Variants in CDK14 observed in about 807,000 individuals in gnomAD.
The protein encoded by CDK14 is cyclin-dependent kinase 14.
Under a neutral mutation model 60.7 loss-of-function variants are expected in CDK14, and 34 were observed. The ratio of observed to expected loss-of-function variants is 0.56; its 90% CI spans 0.43 to 0.75. The LOEUF is 0.75. CDK14 is among the 30% of genes least tolerant of loss of function. CDK14 has a pLI of 0.00. For missense variants in CDK14, 482 were observed against 564.1 expected (o/e 0.85, Z 1.47); for synonymous variants, 197 against 203.7 (o/e 0.97, Z 0.28).
chr7:90,866,273 CAG>C (rs1554358740), intron 6 of CDK14, among the ~76,000 whole-genome samples: 3 of 148,346 alleles, frequency 2.0e-5, no homozygotes, highest in Non-Finnish European at 4.5e-5. Context: ...CACACACACA[CAG>C]AACTTTGTTA....
chr7:91,110,429 A>G (rs1799438223), intron 12 of CDK14, among the ~76,000 whole-genome samples: 1 of 152,174 alleles, frequency 6.6e-6, no homozygotes, highest in Non-Finnish European at 1.5e-5. Context: ...CTTCGAGATA[A>G]TGAAACCATG....
At chr7:91,167,129 T>C (rs999011946) in intron 14 of CDK14, among the ~76,000 whole-genome samples, 1 of 152,178 alleles carries the variant, frequency 6.6e-6, no homozygotes, top group Admixed American at 6.5e-5. Context: ...GCCACAAAGC[T>C]GTTATATACA....
At chr7:90,995,314 A>AC (rs1331045022) in intron 10 of CDK14, among the ~76,000 whole-genome samples, 1 of 152,094 alleles carries the variant, frequency 6.6e-6, no homozygotes, top group African/African-American at 2.4e-5. Flanking sequence ...CTGAGGCTTG[A>AC]CCTAAGCTTT....
At chr7:90,773,099 G>T (rs1163915244) in intron 4 of CDK14, among the ~76,000 whole-genome samples, 1 of 152,180 alleles carries the variant, frequency 6.6e-6, no homozygotes, top group African/African-American at 2.4e-5. Context: ...AGAATGATTA[G>T]TTGAAAACCT....
intron 2 of CDK14, among the ~76,000 whole-genome samples, chr7:90,718,789 C>T (rs1390724393): frequency 6.6e-6 from 1 of 152,054 alleles, no homozygotes; most frequent in Non-Finnish European, 1.5e-5. Context: ...GAGAGGAAAG[C>T]ATACTTTTAG....
intron 10 of CDK14, among the ~76,000 whole-genome samples, chr7:91,035,276 G>A (rs545422240): frequency 6.6e-6 from 1 of 152,194 alleles, no homozygotes; most frequent in African/African-American, 2.4e-5. Flanking sequence ...CTAGTGCACT[G>A]TGTCTATGGA....
At chr7:91,058,024 C>T (rs1584272743) in intron 11 of CDK14, among the ~76,000 whole-genome samples, 2 of 151,982 alleles carry the variant, frequency 1.3e-5, no homozygotes, top group Admixed American at 6.6e-5. Context: ...GATATTGATT[C>T]TTCCTACCCA....
At chr7:90,777,837 A>C (rs557299844) in intron 4 of CDK14, among the ~76,000 whole-genome samples, 8 of 152,302 alleles carry the variant, frequency 5.3e-5, no homozygotes, top group African/African-American at 1.9e-4. Flanking sequence ...ATCATCCACT[A>C]TGCCTCAGAC....
intron 12 of CDK14, among the ~76,000 whole-genome samples, chr7:91,097,759 G>A (rs890499396): frequency 6.6e-6 from 1 of 152,122 alleles, no homozygotes; most frequent in Non-Finnish European, 1.5e-5. Context: ...GTGGGATGGT[G>A]ATGATCACCT....
At chr7:91,196,714 CTG>C (rs1802553696) in intron 14 of CDK14, among the ~76,000 whole-genome samples, 1 of 152,172 alleles carries the variant, frequency 6.6e-6, no homozygotes, top group Non-Finnish European at 1.5e-5. Context: ...ATGTGATTGA[CTG>C]TGACTTCAAC....
At chr7:91,189,397 C>A (rs1377138974) in intron 14 of CDK14, among the ~76,000 whole-genome samples, 1 of 152,106 alleles carries the variant, frequency 6.6e-6, no homozygotes, top group African/African-American at 2.4e-5. Context: ...ATAAGAATAT[C>A]TAGTAAAAGT....
At chr7:90,976,277 T>C (rs1020814183) in intron 9 of CDK14, among the ~76,000 whole-genome samples, 3 of 152,190 alleles carry the variant, frequency 2.0e-5, no homozygotes, top group African/African-American at 7.2e-5. Context: ...TGTTTAGTGA[T>C]GTTGAGCACT....
At chr7:90,896,869 T>A (rs761332240) in intron 6 of CDK14, among the ~76,000 whole-genome samples, 1 of 152,226 alleles carries the variant, frequency 6.6e-6, no homozygotes, top group Non-Finnish European at 1.5e-5. Flanking sequence ...TTCAGCTTTC[T>A]GGAAATTTTT....
intron 2 of CDK14, among the ~76,000 whole-genome samples, chr7:90,688,970 G>T (rs1345301405): frequency 1.3e-5 from 2 of 152,242 alleles, no homozygotes; most frequent in East Asian, 3.9e-4. Context: ...CATTGGGTTG[G>T]AGTGGTTAGT....
At chr7:90,991,581 C>G (rs1254681067) in intron 10 of CDK14, among the ~76,000 whole-genome samples, 1 of 152,132 alleles carries the variant, frequency 6.6e-6, no homozygotes, top group Admixed American at 6.5e-5. Flanking sequence ...GTTATGAAGC[C>G]AGATTCCCTT....
intron 4 of CDK14, among the ~76,000 whole-genome samples, chr7:90,758,308 G>A (rs1237593042): frequency 6.6e-6 from 1 of 151,884 alleles, no homozygotes; most frequent in Admixed American, 6.6e-5. Context: ...ATGTTTAGAT[G>A]GGGGGTGGCA....
chr7:90,791,719 A>G (rs1172908689), intron 5 of CDK14, among the ~76,000 whole-genome samples: 2 of 152,104 alleles, frequency 1.3e-5, no homozygotes, highest in African/African-American at 4.8e-5. Context: ...TATAAAGTTC[A>G]TCAGTCACTT....
At chr7:90,663,523 G>C (rs779666849) in intron 2 of CDK14, among the ~76,000 whole-genome samples, 1 of 152,062 alleles carries the variant, frequency 6.6e-6, no homozygotes, top group African/African-American at 2.4e-5. Context: ...TTGTTTTCTT[G>C]TCTCCATTTT....
At chr7:91,046,756 T>C (rs573132932) in intron 11 of CDK14, among the ~76,000 whole-genome samples, 31 of 152,206 alleles carry the variant, frequency 2.0e-4, no homozygotes, top group African/African-American at 7.2e-4. Context: ...ATAAAATTAC[T>C]GAAAGGGATT....
Sources: gnomAD v4.1 joint callset for allele counts (sites outside exome capture counted in the v4.1 genomes callset) on GRCh38, gnomAD v4.1.1 for gene constraint, MANE v1.5 for transcripts, NCBI Gene and HGNC (gene_info 2026-07-23, HGNC 2026-07-21) for gene names.